Variants in STK32B observed in about 807,000 individuals in gnomAD.
The protein encoded by STK32B is serine/threonine-protein kinase 32B.
A neutral mutation model predicts 52.6 loss-of-function variants in STK32B; 43 were observed. That is an observed-to-expected ratio of 0.82 (90% CI 0.64 to 1.05). The LOEUF is 1.05. Ranked by LOEUF, STK32B falls within the 50% of genes least tolerant of loss-of-function variation. STK32B has a pLI of 0.00. For synonymous variants in STK32B, 238 were observed against 204.3 expected (o/e 1.17, Z -1.41); for missense variants, 621 against 534.6 (o/e 1.16, Z -1.59).
At position 5,235,748 on chromosome 4, in the gene STK32B, C is replaced by T. The variant is rs1724588076; in HGVS notation, c.260+67298C>T. ...AGTCTTCGATTTGAACCTTTGAACC[C>T]AGCAGCACTTCAGATGCTTAGCAAG... On this transcript the variant is annotated intron_variant, in intron 3 of 11. Coordinates refer to ENST00000282908, the MANE Select transcript of STK32B (RefSeq NM_018401.3). 2.0e-5 allele frequency among the ~76,000 whole-genome samples: 3 copies of T among 152,318 alleles called. No individual in the cohort carries two copies. In the South Asian group the frequency reaches 6.2e-4, roughly 32 times the overall value.
intron 11 of STK32B, among the ~76,000 whole-genome samples, chr4:5,493,555 G>C (rs1719935124): frequency 6.6e-6 from 1 of 151,974 alleles, no homozygotes; most frequent in South Asian, 2.1e-4. Flanking sequence ...ATTTTTGAAG[G>C]GTTTTTTTGT....
At chr4:5,202,665 T>A (rs1722247218) in intron 3 of STK32B, among the ~76,000 whole-genome samples, 1 of 152,206 alleles carries the variant, frequency 6.6e-6, no homozygotes, top group African/African-American at 2.4e-5. Flanking sequence ...TTCCCAAATC[T>A]CAACTCTTAT....
intron 5 of STK32B, among the ~76,000 whole-genome samples, chr4:5,401,034 A>G (rs11729359): frequency 0.06 from 9,149 of 152,240 alleles, 294 homozygotes; most frequent in African/African-American, 0.071. Context: ...CAAACAGAGG[A>G]AGGTGCCTGG....
intron 5 of STK32B, among the ~76,000 whole-genome samples, chr4:5,403,678 T>G (rs978593157): frequency 7.2e-5 from 11 of 152,210 alleles, no homozygotes; most frequent in African/African-American, 1.4e-4. Flanking sequence ...CTCCCCAAAA[T>G]GGCCATGGCC....
chr4:5,142,802 G>A (rs895401528), intron 2 of STK32B, among the ~76,000 whole-genome samples: 10 of 152,186 alleles, frequency 6.6e-5, no homozygotes, highest in African/African-American at 9.7e-5. Context: ...ATGTCCCTGC[G>A]AAGGTATTTT....
intron 3 of STK32B, among the ~76,000 whole-genome samples, chr4:5,265,559 G>T (rs1308249474): frequency 6.6e-6 from 1 of 152,202 alleles, no homozygotes; most frequent in Non-Finnish European, 1.5e-5. Flanking sequence ...TTGCTGTAGA[G>T]AACTACTAAT....
intron 1 of STK32B, among the ~76,000 whole-genome samples, chr4:5,102,387 G>A (rs1038862014): frequency 3.3e-5 from 5 of 152,110 alleles, no homozygotes; most frequent in African/African-American, 1.2e-4. Context: ...CCCTGTAGGA[G>A]CACTGCTGTG....
chr4:5,260,450 CACAG>C (rs1726637845), intron 3 of STK32B, among the ~76,000 whole-genome samples: 1 of 152,156 alleles, frequency 6.6e-6, no homozygotes, highest in African/African-American at 2.4e-5. Flanking sequence ...CTCGCAGAGA[CACAG>C]ACAGGCCCCT....
chr4:5,267,017 T>C (rs1727096557), intron 3 of STK32B, among the ~76,000 whole-genome samples: 1 of 152,114 alleles, frequency 6.6e-6, no homozygotes, highest in South Asian at 2.1e-4. Context: ...ACATCTACAC[T>C]TTTTGGGGTC....
rs189627469 is a variant in STK32B at position 5,075,278 on chromosome 4, C to T, written c.52+23363C>T. On this transcript the variant is annotated intron_variant, in intron 1 of 11. Transcript: ENST00000282908. ...GTACAGCACAAATGTGATCATTCTG[C>T]CATAACTTCTCTTCAAAAACATTTC... 3.5e-3 allele frequency among the ~76,000 whole-genome samples: 538 copies of T among 152,222 alleles called. 3 individuals carry two copies. Among genetic ancestry groups the T allele is most frequent in the Non-Finnish European group, 5.8e-3 (397 of 67,998 alleles).
At chr4:5,239,962 C>T (rs1041740289) in intron 3 of STK32B, among the ~76,000 whole-genome samples, 1 of 151,958 alleles carries the variant, frequency 6.6e-6, no homozygotes, top group Non-Finnish European at 1.5e-5. Flanking sequence ...CTCACCTGGC[C>T]AATCATACAA....
intron 3 of STK32B, among the ~76,000 whole-genome samples, chr4:5,252,424 G>A (rs890865224): frequency 2.0e-5 from 3 of 152,184 alleles, no homozygotes; most frequent in African/African-American, 2.4e-5. Context: ...ATTGAAAGAA[G>A]CTGGACCATC....
intron 3 of STK32B, among the ~76,000 whole-genome samples, chr4:5,294,557 T>C (rs1411925763): frequency 6.6e-6 from 1 of 152,194 alleles, no homozygotes; most frequent in African/African-American, 2.4e-5. Context: ...AGTTCACTCA[T>C]GATTTGGCTC....
intron 7 of STK32B, among the ~76,000 whole-genome samples, chr4:5,449,432 A>G (rs1436679139): frequency 1.3e-5 from 2 of 152,186 alleles, no homozygotes; most frequent in Non-Finnish European, 2.9e-5. Flanking sequence ...GAAAATTGAT[A>G]TTAATATGGC....
chr4:5,097,262 GT>G (rs1045608569), intron 1 of STK32B, among the ~76,000 whole-genome samples: 1 of 152,194 alleles, frequency 6.6e-6, no homozygotes, highest in African/African-American at 2.4e-5. Context: ...CTTCATTCAT[GT>G]TTATTGAATG....
intron 4 of STK32B, among the ~76,000 whole-genome samples, chr4:5,335,067 T>C (rs1458171703): frequency 1.5e-5 from 2 of 135,016 alleles, no homozygotes; most frequent in African/African-American, 6.8e-5. Flanking sequence ...AGTTCCTCCT[T>C]GTACCTCTGG....
chr4:5,206,966 G>GA (rs1722612436), intron 3 of STK32B, among the ~76,000 whole-genome samples: 1 of 152,198 alleles, frequency 6.6e-6, no homozygotes, highest in Non-Finnish European at 1.5e-5. Context: ...TTTCTGAACT[G>GA]CTTTAGATGC....
intron 3 of STK32B, among the ~76,000 whole-genome samples, chr4:5,260,882 G>A (rs1004823127): frequency 2.0e-5 from 3 of 152,140 alleles, no homozygotes; most frequent in Non-Finnish European, 4.4e-5. Flanking sequence ...GCTGGCCTTG[G>A]TGCAGTCTCA....
upstream of STK32B, among the ~76,000 whole-genome samples, chr4:5,049,685 T>C (rs1460853128): frequency 6.6e-6 from 1 of 152,174 alleles, no homozygotes; most frequent in East Asian, 1.9e-4. Context: ...TCTGGATGTA[T>C]ATGTGCAGGT....
Sources: gnomAD v4.1 joint callset for allele counts (sites outside exome capture counted in the v4.1 genomes callset) on GRCh38, gnomAD v4.1.1 for gene constraint, MANE v1.5 for transcripts, NCBI Gene and HGNC (gene_info 2026-07-23, HGNC 2026-07-21) for gene names.